The following ARHGAP18 variants were observed in gnomAD, a reference collection of about 807,000 sequenced individuals.
ARHGAP18 encodes rho GTPase-activating protein 18.
Under a neutral mutation model 86.2 loss-of-function variants are expected in ARHGAP18, and 67 were observed. That is an observed-to-expected ratio of 0.78 (90% confidence interval 0.64 to 0.95). ARHGAP18 has a LOEUF of 0.95. Ranked by LOEUF, ARHGAP18 falls within the 40% of genes least tolerant of loss-of-function variation. The probability of loss-of-function intolerance (pLI) is 0.00; values close to 1 mark genes in which losing one functional copy is unlikely to be tolerated. For synonymous variants in ARHGAP18, 283 were observed against 280.4 expected, an observed-to-expected ratio of 1.01 and a Z score of -0.09; for missense variants, 691 against 780.4, an observed-to-expected ratio of 0.89 and a Z score of 1.37.
At chr6:129,634,129 T>C (rs1483699005) in intron 3 of ARHGAP18, 24 bp from the exon 4 acceptor site, 4 of 1,608,792 alleles carry the variant, frequency 2.5e-6, no homozygotes, top group Non-Finnish European at 3.4e-6. Context: ...ACAGGCCATT[T>C]AGTCATCTCC....
chr6:129,629,421 C>T lies in ARHGAP18; in HGVS notation c.718G>A (p.Ala240Thr), dbSNP rs759697034. ...TTGGAGCTCTCTTTCTGATTGAGTG[C>T]TTGCTCGGCAAATGATACCTCCAGG... ...INLEVSFAEQ[A>T]LNQKESSKEK... is the part of the protein sequence containing the mutation. The change falls in exon 5 of 15, where the codon GCA becomes ACA. Residue 240 changes from alanine (A) to threonine (T), a missense_variant. Ala to Thr is a moderately conservative substitution (Grantham distance 58). Transcript: ENST00000368149. 1 of 1,613,904 alleles carries T rather than the reference C, an allele frequency of 6.2e-7. No homozygotes were observed. The highest frequency in any genetic ancestry group is 8.5e-7 in the Non-Finnish European group (1 of 1,179,968).
intron 9 of ARHGAP18, among the ~76,000 whole-genome samples, chr6:129,606,985 G>A (rs757954526): frequency 1.4e-4 from 21 of 151,416 alleles, no homozygotes; most frequent in Non-Finnish European, 2.7e-4. Flanking sequence ...TCAGCCTCCC[G>A]GATAGCAGGG....
At chr6:129,627,293 T>C (rs1014152226) in intron 5 of ARHGAP18, among the ~76,000 whole-genome samples, 3 of 151,998 alleles carry the variant, frequency 2.0e-5, no homozygotes, top group Non-Finnish European at 4.4e-5. Flanking sequence ...TCCAAATTAA[T>C]AAATAAAAAG....
intron 1 of ARHGAP18, among the ~76,000 whole-genome samples, chr6:129,659,348 T>C (rs975704452): frequency 6.6e-6 from 1 of 152,268 alleles, no homozygotes; most frequent in African/African-American, 2.4e-5. Context: ...CTACAAAACA[T>C]TTATTTTCTC....
rs1788325127 is a variant in ARHGAP18, at chr6:129,583,285, C to CA, written c.1838+702dup. 2.0e-5 allele frequency among the ~76,000 whole-genome samples: 3 copies of CA among 152,138 alleles called. No homozygotes were observed. The South Asian group carries it at 6.2e-4, about 32-fold the overall frequency. On this transcript the variant is annotated intron_variant, in intron 13 of 14. Coordinates refer to ENST00000368149, the MANE Select transcript of ARHGAP18 (RefSeq NM_033515.3). The stretch of plus-strand genomic sequence containing the variant: ...ATGACTTCAGCTAAAAGAAAGAATT[C>CA]AAAGGGCAAAACCTGAAAATACAAT...
At chr6:129,669,791 A>T (rs1163761363) in intron 1 of ARHGAP18, among the ~76,000 whole-genome samples, 1 of 152,054 alleles carries the variant, frequency 6.6e-6, no homozygotes, top group Non-Finnish European at 1.5e-5. Flanking sequence ...TCAAAAAAAA[A>T]AATAAATAAA....
At chr6:129,647,870 T>G (rs1427586670) in intron 1 of ARHGAP18, among the ~76,000 whole-genome samples, 1 of 152,134 alleles carries the variant, frequency 6.6e-6, no homozygotes, top group Admixed American at 6.5e-5. Context: ...CTTCCCCAAT[T>G]TTACCCAGCA....
intron 5 of ARHGAP18, 92 bp downstream of exon 5, chr6:129,629,261 A>ATATG: frequency 1.6e-5 from 13 of 835,924 alleles, no homozygotes; most frequent in South Asian, 4.1e-5. Context: ...ATATATATAT[A>ATATG]TGTGTGTGTG....
chr6:129,678,635 C>G (rs887578538), intron 1 of ARHGAP18, among the ~76,000 whole-genome samples: 59 of 152,116 alleles, frequency 3.9e-4, no homozygotes, highest in African/African-American at 1.4e-3. Flanking sequence ...CACCTGGGAG[C>G]TTCACCAAAA....
intron 8 of ARHGAP18, 46 bp from the exon 9 acceptor site, chr6:129,608,098 A>T (rs1788896701): frequency 1.3e-6 from 2 of 1,520,190 alleles, no homozygotes; most frequent in Non-Finnish European, 1.8e-6. Flanking sequence ...AAGCAGCTAG[A>T]AGTGCATTTT....
intron 12 of ARHGAP18, among the ~76,000 whole-genome samples, chr6:129,593,010 T>C (rs371031617): frequency 1.6e-4 from 25 of 152,170 alleles, no homozygotes; most frequent in African/African-American, 5.5e-4. Flanking sequence ...AAATTAAATA[T>C]ACATATGCAT....
chr6:129,691,539 CGTTAAA>C (rs919043795), intron 1 of ARHGAP18, among the ~76,000 whole-genome samples: 21 of 152,108 alleles, frequency 1.4e-4, no homozygotes, highest in Admixed American at 1.1e-3. Context: ...TCTCTCTAAG[CGTTAAA>C]ACTTACTGGC....
intron 1 of ARHGAP18, among the ~76,000 whole-genome samples, chr6:129,679,798 G>C (rs1034733390): frequency 6.6e-6 from 1 of 152,146 alleles, no homozygotes; most frequent in Non-Finnish European, 1.5e-5. Context: ...AAATTTGGTG[G>C]CTTAAAACAA....
At chr6:129,668,710 C>T (rs1189361366) in intron 1 of ARHGAP18, among the ~76,000 whole-genome samples, 1 of 152,172 alleles carries the variant, frequency 6.6e-6, no homozygotes, top group Non-Finnish European at 1.5e-5. Context: ...TGACACCCTC[C>T]ACACTTCCCT....
chr6:129,641,551 A>T (rs552283914), intron 2 of ARHGAP18, among the ~76,000 whole-genome samples: 5 of 152,324 alleles, frequency 3.3e-5, no homozygotes, highest in Non-Finnish European at 7.3e-5. Flanking sequence ...TCAAAGATGA[A>T]GTCTAACTCT....
At chr6:129,649,214 G>A (rs1773649877) in intron 1 of ARHGAP18, among the ~76,000 whole-genome samples, 1 of 151,780 alleles carries the variant, frequency 6.6e-6, no homozygotes, top group Non-Finnish European at 1.5e-5. Flanking sequence ...TTCATTTTGG[G>A]AAAAAAATGA....
chr6:129,631,762 TA>T (rs386408589), intron 4 of ARHGAP18, among the ~76,000 whole-genome samples: 93 of 107,494 alleles, frequency 8.7e-4, no homozygotes, highest in Middle Eastern at 4.5e-3. Context: ...GCTTCTATTT[TA>T]AAAAAAAAAA....
At chr6:129,620,284 G>T (rs201625403) in intron 5 of ARHGAP18, among the ~76,000 whole-genome samples, 1 of 152,144 alleles carries the variant, frequency 6.6e-6, no homozygotes, top group East Asian at 1.9e-4. Context: ...CTTATGTGTG[G>T]GATTTTTCAC....
intron 2 of ARHGAP18, among the ~76,000 whole-genome samples, chr6:129,640,042 C>CAAAAAAAAAA (rs374771260): frequency 9.6e-5 from 7 of 72,884 alleles, no homozygotes; most frequent in Non-Finnish European, 1.2e-4. Context: ...GAGACTGTCT[C>CAAAAAAAAAA]AAAAAAAAAA....
Sources: gnomAD v4.1 joint callset for allele counts (sites outside exome capture counted in the v4.1 genomes callset) on GRCh38, gnomAD v4.1.1 for gene constraint, MANE v1.5 for transcripts, NCBI Gene and HGNC (gene_info 2026-07-23, HGNC 2026-07-21) for gene names.